Variants in PRIMPOL observed in about 807,000 individuals in gnomAD.
PRIMPOL encodes DNA-directed primase/polymerase protein.
Under a neutral mutation model 63.6 loss-of-function variants are expected in PRIMPOL, and 54 were observed. The observed-to-expected ratio is 0.85, with a 90% CI of 0.68 to 1.07. The LOEUF is 1.07. PRIMPOL is among the 50% of genes least tolerant of loss of function. The pLI is 0.00. For synonymous variants in PRIMPOL, 197 were observed against 220.2 expected (o/e 0.89, Z 0.93); for missense variants, 610 against 648.3 (o/e 0.94, Z 0.64).
rs985949124 is a variant in PRIMPOL at position 184,675,225 on chromosome 4, T to G, written c.844+2765T>G. Reference sequence around the variant, plus strand: ...ATGGTTAATCTTATGCAGTTATGATTTAATACTCCATCTTTAAAACATTTG... The same window carrying G: ...ATGGTTAATCTTATGCAGTTATGATGTAATACTCCATCTTTAAAACATTTG... On this transcript the variant is annotated intron_variant, in intron 7 of 13. Transcript: ENST00000314970. Among the ~76,000 whole-genome samples, 3 of 152,188 alleles carry G rather than the reference T, an allele frequency of 2.0e-5. 1 individual carries two copies. The highest frequency in any genetic ancestry group is 3.8e-4 in the East Asian group (2 of 5,206).
intron 7 of PRIMPOL, among the ~76,000 whole-genome samples, chr4:184,674,759 A>G (rs1752823290): frequency 6.6e-6 from 1 of 152,214 alleles, no homozygotes; most frequent in Non-Finnish European, 1.5e-5. Context: ...TAAGAAAATC[A>G]TAAGGAAGAG....
chr4:184,678,429 A>G, intron 8 of PRIMPOL, 35 bp downstream of exon 8: 1 of 1,480,942 alleles, frequency 6.8e-7, no homozygotes, highest in Non-Finnish European at 9.2e-7. Flanking sequence ...TTTTGTATTC[A>G]TGAATATTTA....
At chr4:184,651,624 G>A (rs573710337) in intron 1 of PRIMPOL, among the ~76,000 whole-genome samples, 1 of 152,236 alleles carries the variant, frequency 6.6e-6, no homozygotes, top group East Asian at 1.9e-4. Flanking sequence ...CTGGTTTCCT[G>A]TAAATCATAC....
At chr4:184,662,693 A>G (rs1031638629) in intron 5 of PRIMPOL, among the ~76,000 whole-genome samples, 10 of 152,190 alleles carry the variant, frequency 6.6e-5, no homozygotes, top group Non-Finnish European at 1.5e-4. Flanking sequence ...ACTGAATAAT[A>G]ATGTTATAGA....
At position 184,649,745 on chromosome 4, in the gene PRIMPOL, T is replaced by G. The variant is rs4647600; in HGVS notation, c.-301T>G. 2.0e-5 allele frequency: 3 copies of G among 152,406 alleles called. No individual in the cohort carries two copies. The highest frequency in any genetic ancestry group is 7.2e-5 in the African/African-American group (3 of 41,450). The allele number at this position is 152,406 out of a possible 1,614,324, so 9.4% of individuals were successfully genotyped here. A position where few individuals can be genotyped will look rare whatever the true frequency, so the allele number is the denominator to read the frequency against. On this transcript the variant is annotated 5_prime_UTR_variant, in exon 1 of 14. Transcript: ENST00000314970. ...CCCGGATTTGAAATCTAGGTCTTCCTGAGAGTCCGCGGGCTTCCGCTCCCA... is the reference window on the plus strand; with the variant it reads ...CCCGGATTTGAAATCTAGGTCTTCCGGAGAGTCCGCGGGCTTCCGCTCCCA...
At chr4:184,671,890 A>G (rs532094948) in intron 6 of PRIMPOL, among the ~76,000 whole-genome samples, 19,329 of 150,642 alleles carry the variant, frequency 0.13, 1,301 homozygotes, top group Middle Eastern at 0.16. Context: ...TTACAGGCGC[A>G]CCACCACGCC....
intron 11 of PRIMPOL, among the ~76,000 whole-genome samples, chr4:184,689,947 C>G (rs1487047260): frequency 6.6e-6 from 1 of 152,174 alleles, no homozygotes; most frequent in Non-Finnish European, 1.5e-5. Flanking sequence ...CCTTCCTGTA[C>G]AGTTTGGGAG....
At position 184,657,266 on chromosome 4, in the gene PRIMPOL, G is replaced by C; in HGVS notation, c.126G>C (p.Trp42Cys). The C allele has an allele frequency of 6.2e-7, 1 of 1,613,654 alleles. No individual in the cohort carries two copies. Among genetic ancestry groups the C allele is most frequent in the East Asian group, 2.2e-5 (1 of 44,812 alleles). ...LSKPEEPPSI[W>C]RLFHRQAQAF... ...AGCCAGAAGAACCACCCTCCATCTG[G>C]AGACTATTTCATCGACAAGCTCAAG... The change falls in exon 3 of 14, where the codon TGG becomes TGC. Residue 42 changes from tryptophan to cysteine, a missense_variant. By Grantham distance (215) the Trp-to-Cys change is radical (BLOSUM62 -2). Coordinates refer to ENST00000314970, the MANE Select transcript of PRIMPOL (RefSeq NM_152683.4).
At chr4:184,678,563 T>A (rs1299998203) in intron 8 of PRIMPOL, among the ~76,000 whole-genome samples, 169 bp downstream of exon 8, 2 of 148,966 alleles carry the variant, frequency 1.3e-5, no homozygotes, top group African/African-American at 5.0e-5. Context: ...AGTCTCCCTC[T>A]GTCACCCAGA....
intron 2 of PRIMPOL, among the ~76,000 whole-genome samples, chr4:184,655,822 T>C (rs1335613793): frequency 6.6e-6 from 1 of 152,192 alleles, no homozygotes; most frequent in Non-Finnish European, 1.5e-5. Context: ...AAAGCCCCAA[T>C]ATATCTGTTT....
chr4:184,674,390 T>C (rs1281334249), intron 7 of PRIMPOL, among the ~76,000 whole-genome samples: 8 of 152,096 alleles, frequency 5.3e-5, no homozygotes, highest in African/African-American at 1.9e-4. Flanking sequence ...AGACAAGAAA[T>C]AGATTACCAT....
In PRIMPOL at chr4:184,688,884, T is replaced by C. The variant is rs73873068; in HGVS notation, c.1296-2615T>C. Among the ~76,000 whole-genome samples, 1,102 of 152,228 alleles carry C rather than the reference T, an allele frequency of 7.2e-3. 15 individuals carry two copies. The highest frequency in any genetic ancestry group is 0.025 in the African/African-American group (1,045 of 41,536). The stretch of plus-strand genomic sequence containing the variant: ...TGTTTCTTCACATTTTCTCTGAGGC[T>C]GACAGAAATACCCGAGCTCTGGTAA... On this transcript the variant is annotated intron_variant, in intron 11 of 13. Transcript: ENST00000314970.
Position 184,665,817 on chromosome 4 carries a change from CTT to C in PRIMPOL, c.409-96_409-95del, listed in dbSNP as rs1470196752. ...ACCACGCCTGATCAGAAATTAATGA[CTT>C]TTTAACTCATAGATGATATATAAAG... On this transcript the variant is annotated intron_variant, in intron 5 of 13. Transcript: ENST00000314970. 22 of 764,536 alleles carry C rather than the reference CTT, an allele frequency of 2.9e-5. No homozygotes were observed. The Admixed American group carries it at 6.1e-4, about 21-fold the overall frequency. The allele number at this position is 764,536 out of a possible 1,614,324, so 47.4% of individuals were successfully genotyped here. A position where few individuals can be genotyped will look rare whatever the true frequency, so the allele number is the denominator to read the frequency against.
chr4:184,692,617 C>A (rs560066056), intron 13 of PRIMPOL, among the ~76,000 whole-genome samples: 5 of 149,266 alleles, frequency 3.3e-5, no homozygotes, highest in African/African-American at 1.3e-4. Flanking sequence ...TATGTATGCT[C>A]ATTTTCTTTT....
rs1487849768 is a variant in PRIMPOL, at chr4:184,687,270, T to C, written c.1295+1586T>C. Among the ~76,000 whole-genome samples the C allele has an allele frequency of 2.0e-5, 3 of 152,102 alleles. No individual in the cohort carries two copies. The East Asian group carries it at 5.8e-4, about 29-fold the overall frequency. On this transcript the variant is annotated intron_variant, in intron 11 of 13. Coordinates refer to ENST00000314970, the MANE Select transcript of PRIMPOL (RefSeq NM_152683.4). ...AATTTTAGTAGAGACGGAGTTTCAC[T>C]ATGTTGGCTGGGCTGGTCTCAAACT...
intron 2 of PRIMPOL, among the ~76,000 whole-genome samples, chr4:184,654,481 C>T (rs1434398356): frequency 8.8e-3 from 14 of 1,586 alleles, no homozygotes; most frequent in African/African-American, 0.028. Flanking sequence ...GACAGAGTCT[C>T]GCTCCGTTGC....
At chr4:184,652,783 A>G (rs34605630) in intron 2 of PRIMPOL, among the ~76,000 whole-genome samples, 87,150 of 150,952 alleles carry the variant, frequency 0.58, 27,079 homozygotes, top group Non-Finnish European at 0.71. Flanking sequence ...ATACTGATGA[A>G]TCTAATCTCA....
intron 2 of PRIMPOL, among the ~76,000 whole-genome samples, chr4:184,653,785 G>A (rs191118786): frequency 2.0e-4 from 31 of 152,328 alleles, no homozygotes; most frequent in African/African-American, 6.5e-4. Context: ...TTTCACCACC[G>A]GGAATGAAAA....
At chr4:184,651,505 G>T (rs1231699015) in intron 1 of PRIMPOL, among the ~76,000 whole-genome samples, 1 of 152,132 alleles carries the variant, frequency 6.6e-6, no homozygotes, top group African/African-American at 2.4e-5. Context: ...GCAGTAATTT[G>T]CAAAGAGGGG....
Sources: allele counts gnomAD v4.1 joint callset (sites outside exome capture counted in the v4.1 genomes callset), GRCh38; gene constraint gnomAD v4.1.1; transcripts MANE v1.5; gene names NCBI Gene and HGNC (gene_info 2026-07-23, HGNC 2026-07-21).